The following CAPZB variants were observed in gnomAD, a reference collection of about 807,000 sequenced individuals.
CAPZB encodes the protein F-actin-capping protein subunit beta.
Under a neutral mutation model 38.1 loss-of-function variants are expected in CAPZB, and 2 were observed. The ratio of observed to expected loss-of-function variants is 0.05; its 90% CI spans 0.02 to 0.17. The LOEUF is 0.17. CAPZB is among the 10% of genes least tolerant of loss of function. CAPZB has a pLI of 1.00. For synonymous variants in CAPZB, 107 were observed against 127.4 expected, an observed-to-expected ratio of 0.84 and a Z score of 1.08; for missense variants, 161 against 334.2, an observed-to-expected ratio of 0.48 and a Z score of 4.04.
chr1:19,418,136 C>CAAAAAAAAAAAAAA (rs59390448), intron 2 of CAPZB, among the ~76,000 whole-genome samples: 1 of 35,298 alleles, frequency 2.8e-5, no homozygotes, highest in African/African-American at 1.0e-4. Context: ...ACTCTGTCAC[C>CAAAAAAAAAAAAAA]AAAAAAAAAA....
At chr1:19,427,102 G>C (rs1173427549) in intron 1 of CAPZB, among the ~76,000 whole-genome samples, 2 of 152,232 alleles carry the variant, frequency 1.3e-5, no homozygotes, top group Non-Finnish European at 2.9e-5. Context: ...AACTGCTAGA[G>C]GATGGTGCCA....
chr1:19,441,495 T>C (rs1166695924), intron 1 of CAPZB, among the ~76,000 whole-genome samples: 1 of 152,102 alleles, frequency 6.6e-6, no homozygotes, highest in Non-Finnish European at 1.5e-5. Flanking sequence ...GCACACTCAT[T>C]CAGCTTCATT....
chr1:19,363,005 G>A (rs1166025943), intron 4 of CAPZB, among the ~76,000 whole-genome samples: 1 of 152,214 alleles, frequency 6.6e-6, no homozygotes, highest in East Asian at 1.9e-4. Context: ...CCACTGAAGA[G>A]CTAACTCTTT....
At chr1:19,379,919 G>A (rs975588078) in intron 3 of CAPZB, among the ~76,000 whole-genome samples, 3 of 152,082 alleles carry the variant, frequency 2.0e-5, no homozygotes, top group South Asian at 4.2e-4. Flanking sequence ...TGGTCTAAAC[G>A]CCTCGCTGTT....
chr1:19,485,287 G>T, intron 1 of CAPZB, 149 bp downstream of exon 1: 3 of 469,716 alleles, frequency 6.4e-6, no homozygotes, highest in Non-Finnish European at 6.8e-6. Context: ...CCTCCTGGGC[G>T]GGGAGGGACC....
Position 19,374,886 on chromosome 1 carries a change from G to C in CAPZB, c.329+3654C>G, listed in dbSNP as rs1558197585. ...AACAAACAAGTCTTTCTGTGAGAAAGTGTTTGTATGGGGAAGGGCTAGATA... is the reference window on the plus strand; with the variant it reads ...AACAAACAAGTCTTTCTGTGAGAAACTGTTTGTATGGGGAAGGGCTAGATA... On this transcript the variant is annotated intron_variant, in intron 4 of 8. Coordinates refer to ENST00000264202, the MANE Select transcript of CAPZB (RefSeq NM_004930.5). Among the ~76,000 whole-genome samples the C allele has an allele frequency of 2.0e-5, 3 of 152,238 alleles. No individual in the cohort carries two copies. The South Asian group carries it at 6.2e-4, about 31-fold the overall frequency.
At chr1:19,433,098 T>C (rs1243828211) in intron 1 of CAPZB, among the ~76,000 whole-genome samples, 4 of 152,210 alleles carry the variant, frequency 2.6e-5, no homozygotes, top group Non-Finnish European at 5.9e-5. Flanking sequence ...TTGTGTCTGA[T>C]CATTAATGTT....
intron 1 of CAPZB, chr1:19,448,963 G>A (rs78303251): frequency 2.2e-4 from 349 of 1,608,370 alleles, no homozygotes; most frequent in Admixed American, 3.4e-4. Flanking sequence ...CAGGGGAGGC[G>A]AGGGGGCAAG....
At position 19,474,999 on chromosome 1, in the gene CAPZB, G is replaced by A. The variant is rs1406803898; in HGVS notation, c.3+10437C>T. On this transcript the variant is annotated intron_variant, in intron 1 of 8. Transcript: ENST00000264202. ...ACCTGCAGGGAGCTATGGAGGAGGC[G>A]GGAGATCAGGTGTCCACACTAAGTC... Among the ~76,000 whole-genome samples, 7 of 152,232 alleles carry A rather than the reference G, an allele frequency of 4.6e-5. No homozygotes were observed. In the East Asian group the frequency reaches 7.7e-4, roughly 17 times the overall value.
intron 1 of CAPZB, among the ~76,000 whole-genome samples, chr1:19,476,959 G>A (rs923115073): frequency 1.3e-5 from 2 of 152,198 alleles, no homozygotes; most frequent in African/African-American, 4.8e-5. Flanking sequence ...GGTGGACCTG[G>A]ACCTCCATGG....
intron 1 of CAPZB, among the ~76,000 whole-genome samples, chr1:19,473,796 G>A (rs1038120889): frequency 1.3e-5 from 2 of 152,096 alleles, no homozygotes; most frequent in African/African-American, 4.8e-5. Flanking sequence ...CCCAGAAGGC[G>A]GAAGTTGCAG....
At chr1:19,403,982 G>GT (rs564747311) in intron 2 of CAPZB, among the ~76,000 whole-genome samples, 162 of 152,182 alleles carry the variant, frequency 1.1e-3, no homozygotes, top group African/African-American at 3.7e-3. Flanking sequence ...AGTACAAGAG[G>GT]TAACAGTAGT....
chr1:19,485,372 G>T, intron 1 of CAPZB, 64 bp downstream of exon 1: 4 of 1,116,006 alleles, frequency 3.6e-6, no homozygotes. Context: ...GGGATGGGCA[G>T]GGGGAGGGGG....
In CAPZB at chr1:19,359,475, C is replaced by T. The variant is rs1306003147; in HGVS notation, c.330-1912G>A. Reference sequence around the variant, plus strand: ...GCCCCCTGCCCAGGGCTCCCTCAGGCAGGCTGCGGCCAGCCCCTGCGGCAG... The same window carrying T: ...GCCCCCTGCCCAGGGCTCCCTCAGGTAGGCTGCGGCCAGCCCCTGCGGCAG... On this transcript the variant is annotated intron_variant, in intron 4 of 8. Coordinates refer to ENST00000264202, the MANE Select transcript of CAPZB (RefSeq NM_004930.5). 2.0e-5 allele frequency among the ~76,000 whole-genome samples: 3 copies of T among 152,324 alleles called. No homozygotes were observed. The Middle Eastern group carries it at 0.01, about 518-fold the overall frequency.
intron 4 of CAPZB, among the ~76,000 whole-genome samples, chr1:19,363,147 T>C (rs2094062848): frequency 6.6e-6 from 1 of 151,618 alleles, no homozygotes; most frequent in Admixed American, 6.6e-5. Flanking sequence ...GGTGGTGCGA[T>C]CACCGCTCAC....
intron 4 of CAPZB, among the ~76,000 whole-genome samples, chr1:19,365,253 C>G (rs759706850): frequency 3.3e-5 from 5 of 152,220 alleles, no homozygotes; most frequent in Non-Finnish European, 5.9e-5. Context: ...TGTGACAGAT[C>G]ACTCTCGTAG....
chr1:19,427,088 G>A (rs577186847), intron 1 of CAPZB, among the ~76,000 whole-genome samples: 18 of 152,304 alleles, frequency 1.2e-4, no homozygotes, highest in African/African-American at 4.3e-4. Flanking sequence ...TCCTAGCTGG[G>A]GCCAACTGCT....
chr1:19,348,453 C>CA (rs2093974061), intron 6 of CAPZB, among the ~76,000 whole-genome samples: 1 of 152,054 alleles, frequency 6.6e-6, no homozygotes, highest in South Asian at 2.1e-4. Context: ...AACACCCTGA[C>CA]ACCAAGAAAT....
Position 19,388,014 on chromosome 1 carries a change from C to T in CAPZB, c.94-2388G>A, listed in dbSNP as rs72959307. On this transcript the variant is annotated intron_variant, in intron 2 of 8. Coordinates refer to ENST00000264202, the MANE Select transcript of CAPZB (RefSeq NM_004930.5). ...TGCTGCTTCAGACACAGGGTACAAA[C>T]GTACCTGTGAGGATCCGGTGCTTCA... is the stretch of plus-strand genomic sequence containing the variant. 2.8e-3 allele frequency among the ~76,000 whole-genome samples: 422 copies of T among 152,350 alleles called. 1 individual carries two copies. Among genetic ancestry groups the T allele is most frequent in the African/African-American group, 9.7e-3 (405 of 41,578 alleles).
Sources: allele counts gnomAD v4.1 joint callset (sites outside exome capture counted in the v4.1 genomes callset), GRCh38; gene constraint gnomAD v4.1.1; transcripts MANE v1.5; gene names NCBI Gene and HGNC (gene_info 2026-07-23, HGNC 2026-07-21).